Variants in TFPI observed in about 807,000 individuals in gnomAD.
TFPI encodes anti-convertin.
TFPI carries 15 observed loss-of-function variants against 34.6 expected under a neutral mutation model. The observed-to-expected ratio is 0.43, with a 90% CI of 0.29 to 0.67. The LOEUF (loss-of-function observed/expected upper bound fraction) is 0.67. TFPI is among the 30% of genes least tolerant of loss of function. The pLI is 0.15. For missense variants in TFPI, 301 were observed against 364.0 expected (o/e 0.83, Z 1.41); for synonymous variants, 105 against 120.1 (o/e 0.87, Z 0.82).
intron 6 of TFPI, among the ~76,000 whole-genome samples, chr2:187,481,960 T>C (rs2106001256): frequency 6.6e-6 from 1 of 151,774 alleles, no homozygotes; most frequent in East Asian, 1.9e-4. Context: ...GTTACAATTT[T>C]CAATGTGCAT....
intron 1 of TFPI, among the ~76,000 whole-genome samples, chr2:187,521,063 G>A (rs1310439270): frequency 6.6e-6 from 1 of 151,918 alleles, no homozygotes; most frequent in African/African-American, 2.4e-5. Context: ...ACTAGAGATT[G>A]GTATTAGAAA....
At chr2:187,491,407 A>T (rs1685115569) in intron 3 of TFPI, among the ~76,000 whole-genome samples, 1 of 151,340 alleles carries the variant, frequency 6.6e-6, no homozygotes, top group Admixed American at 6.7e-5. Flanking sequence ...ACATGTATGC[A>T]CTATTTACCC....
chr2:187,471,174 T>C (rs1488846948), intron 6 of TFPI, among the ~76,000 whole-genome samples: 1 of 152,222 alleles, frequency 6.6e-6, no homozygotes, highest in Non-Finnish European at 1.5e-5. Context: ...CTTCAGAACA[T>C]AAATTTTACC....
At chr2:187,511,707 C>A (rs945752047) in intron 1 of TFPI, among the ~76,000 whole-genome samples, 1 of 152,062 alleles carries the variant, frequency 6.6e-6, no homozygotes, top group Non-Finnish European at 1.5e-5. Context: ...AGCCAGGGCA[C>A]GCAAACCAGT....
intron 5 of TFPI, 52 bp from the exon 6 acceptor site, chr2:187,484,268 A>G: frequency 1.3e-6 from 2 of 1,509,038 alleles, no homozygotes; most frequent in Non-Finnish European, 1.8e-6. Flanking sequence ...ACAATCTCAT[A>G]TTTGGACTCA....
At chr2:187,502,481 T>A (rs1235354016) in intron 2 of TFPI, among the ~76,000 whole-genome samples, 3 of 152,176 alleles carry the variant, frequency 2.0e-5, no homozygotes, top group African/African-American at 7.2e-5. Flanking sequence ...CCACCACCTT[T>A]TGAGAAAAAA....
chr2:187,498,326 T>G (rs1685623578), intron 2 of TFPI, among the ~76,000 whole-genome samples: 1 of 151,826 alleles, frequency 6.6e-6, no homozygotes, highest in African/African-American at 2.4e-5. Flanking sequence ...TAATAAAAGT[T>G]AAATTAGATA....
In TFPI at chr2:187,485,888, G is replaced by A. The variant is rs1693224596; in HGVS notation, c.359-901C>T. Among the ~76,000 whole-genome samples, 6 of 151,600 alleles carry A rather than the reference G, an allele frequency of 4.0e-5. No homozygotes were observed. The South Asian group carries it at 1.2e-3, about 31-fold the overall frequency. ...AGTATATTACCATATTGGCAAAACT[G>A]AACTGTGGTAACCTTTTTTCATCTT... On this transcript the variant is annotated intron_variant, in intron 4 of 7. Transcript: ENST00000233156.
At chr2:187,537,086 G>C (rs543915225) in intron 1 of TFPI, among the ~76,000 whole-genome samples, 3 of 152,156 alleles carry the variant, frequency 2.0e-5, no homozygotes, top group African/African-American at 7.2e-5. Flanking sequence ...AAATAAGAGA[G>C]GACACAAACA....
chr2:187,541,733 T>C (rs1430528442), intron 1 of TFPI, among the ~76,000 whole-genome samples: 1 of 151,924 alleles, frequency 6.6e-6, no homozygotes, highest in African/African-American at 2.4e-5. Flanking sequence ...GACTATGAGG[T>C]GACTGTGAAG....
chr2:187,484,726 C>A, intron 5 of TFPI, 85 bp downstream of exon 5: 1 of 1,278,018 alleles, frequency 7.8e-7, no homozygotes, highest in Non-Finnish European at 1.1e-6. Flanking sequence ...TCAAACAAAA[C>A]CTGAGTATAG....
intron 1 of TFPI, chr2:187,514,198 A>C (rs544995671): frequency 6.6e-6 from 1 of 152,378 alleles, no homozygotes; most frequent in East Asian, 1.9e-4. Flanking sequence ...AACTTTGGCA[A>C]TTAAGCAGGT....
chr2:187,469,171 A>G (rs8176586), intron 6 of TFPI, among the ~76,000 whole-genome samples: 239 of 152,224 alleles, frequency 1.6e-3, no homozygotes, highest in African/African-American at 5.7e-3. Context: ...GAGTGTCTTG[A>G]TATAGTAACT....
chr2:187,544,331 A>G (rs544511409), intron 1 of TFPI, among the ~76,000 whole-genome samples: 1 of 152,356 alleles, frequency 6.6e-6, no homozygotes, highest in South Asian at 2.1e-4. Context: ...ATAATTTTAA[A>G]GTGTAAAATA....
At chr2:187,484,238 T>A (rs1304706331) in intron 5 of TFPI, 22 bp from the exon 6 acceptor site, 1 of 1,589,702 alleles carries the variant, frequency 6.3e-7, no homozygotes, top group Admixed American at 1.7e-5. Flanking sequence ...TACAGCCAAT[T>A]AAAATAGATA....
intron 1 of TFPI, among the ~76,000 whole-genome samples, chr2:187,504,319 T>C (rs1312447701): frequency 6.6e-6 from 1 of 152,134 alleles, no homozygotes; most frequent in Non-Finnish European, 1.5e-5. Flanking sequence ...ATCAATTTCC[T>C]AACCAGGTTT....
chr2:187,467,134 A>G (rs971834707), intron 7 of TFPI, 92 bp from the exon 8 acceptor site: 2 of 834,730 alleles, frequency 2.4e-6, no homozygotes, highest in African/African-American at 3.6e-5. Context: ...TTTAATATTT[A>G]AATCCAAAAG....
intron 1 of TFPI, among the ~76,000 whole-genome samples, chr2:187,546,440 CAAAT>C (rs1688869061): frequency 6.8e-6 from 1 of 147,966 alleles, no homozygotes; most frequent in African/African-American, 2.5e-5. Context: ...GGAAAAAAAA[CAAAT>C]AAAAGTTAGC....
intron 6 of TFPI, among the ~76,000 whole-genome samples, chr2:187,469,908 A>G (rs571353591): frequency 6.6e-6 from 1 of 152,280 alleles, no homozygotes; most frequent in Non-Finnish European, 1.5e-5. Flanking sequence ...CACTTTTCCA[A>G]TGTGTGGGAT....
Sources: gnomAD v4.1 joint callset for allele counts (sites outside exome capture counted in the v4.1 genomes callset) on GRCh38, gnomAD v4.1.1 for gene constraint, MANE v1.5 for transcripts, NCBI Gene and HGNC (gene_info 2026-07-23, HGNC 2026-07-21) for gene names.